Variants in HECTD4 observed in about 807,000 individuals in gnomAD.
The protein encoded by HECTD4 is probable E3 ubiquitin-protein ligase HECTD4.
A neutral mutation model predicts 471.5 loss-of-function variants in HECTD4; 114 were observed. The observed-to-expected ratio is 0.24, with a 90% CI of 0.21 to 0.28. The LOEUF (loss-of-function observed/expected upper bound fraction) is 0.28, where lower values mean the gene tolerates loss of function less well. Among genes scored for constraint, HECTD4 ranks in the 10% least tolerant of loss-of-function variants. HECTD4 has a pLI of 1.00. For missense variants in HECTD4, 3,866 were observed against 5,651.5 expected (o/e 0.68, Z 10.13); for synonymous variants, 2,012 against 2,256.0 (o/e 0.89, Z 3.07).
In HECTD4 at chr12:112,233,214, CTTTTTT is replaced by C. The variant is rs546999938; in HGVS notation, c.5916-135_5916-130del. 4.1e-3 allele frequency: 963 copies of C among 235,204 alleles called. 2 individuals carry two copies. The highest frequency in any genetic ancestry group is 4.9e-3 in the Non-Finnish European group (622 of 127,456). The allele number at this position is 235,204 out of a possible 1,614,324, so 14.6% of individuals were successfully genotyped here. A position where few individuals can be genotyped will look rare whatever the true frequency, so the allele number is the denominator to read the frequency against. On this transcript the variant is annotated intron_variant, in intron 37 of 75. Transcript: ENST00000682272. ...TAACATTAGCTTACACTAACATTAG[CTTTTTT>C]TTTTTTTTTTTTTTTTTTTGAGACA...
At position 112,179,468 on chromosome 12, in the gene HECTD4, G is replaced by A. The variant is rs951656498; in HGVS notation, c.10988-71C>T. On this transcript the variant is annotated intron_variant, in intron 62 of 75. Transcript: ENST00000682272. The surrounding 1 kb of genome is among the most constrained non-coding windows in gnomAD (Gnocchi z 4.3). Reference sequence around the variant, plus strand: ...TCGGGACAAGCCCTGCGAGCATTCTGTTTCCAAACACTGTTTGAAAGGGGC... The same window carrying A: ...TCGGGACAAGCCCTGCGAGCATTCTATTTCCAAACACTGTTTGAAAGGGGC... The A allele has an allele frequency of 3.7e-6, 5 of 1,337,090 alleles. No homozygotes were observed. The East Asian group carries it at 9.9e-5, about 26-fold the overall frequency. The allele number at this position is 1,337,090 out of a possible 1,614,324, so 82.8% of individuals were successfully genotyped here. A position where few individuals can be genotyped will look rare whatever the true frequency, so the allele number is the denominator to read the frequency against.
intron 52 of HECTD4, among the ~76,000 whole-genome samples, chr12:112,206,662 G>A (rs536262853): frequency 1.2e-4 from 18 of 150,744 alleles, no homozygotes; most frequent in South Asian, 6.3e-4. Context: ...TCAGCCTTCC[G>A]AGTAACTGGG....
intron 72 of HECTD4, 133 bp downstream of exon 72, chr12:112,167,184 C>T: frequency 1.4e-6 from 1 of 713,356 alleles, no homozygotes; most frequent in South Asian, 2.0e-5. Context: ...TGGCACATGG[C>T]TCACACCCCT....
intron 9 of HECTD4, among the ~76,000 whole-genome samples, chr12:112,276,148 T>C (rs1404309256): frequency 3.3e-5 from 5 of 152,206 alleles, no homozygotes; most frequent in African/African-American, 9.6e-5. Flanking sequence ...TCTTCCACTT[T>C]CTGAGCAGCC....
chr12:112,315,634 A>C (rs570821898), intron 2 of HECTD4, among the ~76,000 whole-genome samples: 1 of 152,294 alleles, frequency 6.6e-6, no homozygotes, highest in African/African-American at 2.4e-5. Context: ...AGTGAGGTTT[A>C]AAATAAAGAA....
chr12:112,313,268 A>G, intron 3 of HECTD4, 121 bp from the exon 4 acceptor site: 1 of 567,534 alleles, frequency 1.8e-6, no homozygotes, highest in East Asian at 3.3e-5. Context: ...AATATTTTAT[A>G]CAAATATTAT....
At chr12:112,276,701 T>C (rs2034534628) in intron 9 of HECTD4, among the ~76,000 whole-genome samples, 1 of 152,102 alleles carries the variant, frequency 6.6e-6, no homozygotes, top group Admixed American at 6.5e-5. Flanking sequence ...CGCCACAGCC[T>C]CCCAAGTGCT....
At chr12:112,346,837 G>A (rs1029797335) in intron 1 of HECTD4, among the ~76,000 whole-genome samples, 5 of 152,112 alleles carry the variant, frequency 3.3e-5, no homozygotes, top group African/African-American at 1.2e-4. Flanking sequence ...AAAGGAGACA[G>A]AATTTCACAT....
intron 15 of HECTD4, 71 bp downstream of exon 15, chr12:112,265,807 C>G (rs1165646816): frequency 5.1e-6 from 6 of 1,175,994 alleles, no homozygotes; most frequent in Non-Finnish European, 7.6e-6. Context: ...TAAAGTTGAT[C>G]AAACACATTT....
intron 71 of HECTD4, 137 bp from the exon 72 acceptor site, chr12:112,167,675 G>A (rs1318840477): frequency 2.0e-6 from 2 of 1,023,220 alleles, no homozygotes; most frequent in Non-Finnish European, 2.9e-6. Context: ...CCCATCCAGT[G>A]AGGCAAGGAC....
intron 7 of HECTD4, among the ~76,000 whole-genome samples, chr12:112,283,984 T>C (rs1440791230): frequency 6.6e-6 from 1 of 150,832 alleles, no homozygotes; most frequent in African/African-American, 2.4e-5. Context: ...TTTTTCCACC[T>C]GGCTTTCTGT....
In HECTD4 at chr12:112,188,218, G is replaced by A. The variant is rs1057260595; in HGVS notation, c.9472+2568C>T. ...GCAGGAGAATCACTTGAACCCAGGA[G>A]GTGGAAGTTGCAGTGAGCTGAGATC... On this transcript the variant is annotated intron_variant, in intron 60 of 75. Transcript: ENST00000682272. This position sits in a 1 kb window ranked among gnomAD's most constrained non-coding sequence, Gnocchi z 4.2. Among the ~76,000 whole-genome samples the A allele has an allele frequency of 1.3e-5, 2 of 152,186 alleles. No homozygotes were observed. Among genetic ancestry groups the A allele is most frequent in the Non-Finnish European group, 2.9e-5 (2 of 68,026 alleles).
intron 41 of HECTD4, 103 bp downstream of exon 41, chr12:112,229,595 G>T: frequency 1.7e-6 from 2 of 1,199,720 alleles, no homozygotes; most frequent in Middle Eastern, 2.1e-4. Flanking sequence ...AGGTTTTTTT[G>T]TACAGCTGGT....
chr12:112,246,074 G>A (rs1020846033), intron 29 of HECTD4, among the ~76,000 whole-genome samples: 116 of 152,080 alleles, frequency 7.6e-4, no homozygotes, highest in Non-Finnish European at 1.1e-3. Context: ...AGAGACTGCA[G>A]TGAGCAGAGA....
chr12:112,350,395 A>C (rs745347627), intron 1 of HECTD4, among the ~76,000 whole-genome samples: 2 of 152,212 alleles, frequency 1.3e-5, no homozygotes, highest in African/African-American at 2.4e-5. Context: ...TATTTTGTAT[A>C]ACTTCTCTTG....
intron 22 of HECTD4, among the ~76,000 whole-genome samples, chr12:112,253,786 C>G (rs2033948655): frequency 6.6e-6 from 1 of 152,120 alleles, no homozygotes; most frequent in East Asian, 1.9e-4. Context: ...TTTTAATCAA[C>G]AAGGAAGAAA....
Position 112,228,835 on chromosome 12 carries a change from C to G in HECTD4, c.6520-24G>C. 1 of 1,609,894 alleles carries G rather than the reference C, an allele frequency of 6.2e-7. No individual in the cohort carries two copies. Among genetic ancestry groups the G allele is most frequent in the Non-Finnish European group, 8.5e-7 (1 of 1,178,448 alleles). Reference sequence around the variant, plus strand: ...ACCTGGAGACAGACATAGATTAGCACTACCAACCAGCTCTGACGTGTGGGC... The same window carrying G: ...ACCTGGAGACAGACATAGATTAGCAGTACCAACCAGCTCTGACGTGTGGGC... On this transcript the variant is annotated intron_variant, in intron 41 of 75. Transcript: ENST00000682272. The surrounding 1 kb of genome is among the most constrained non-coding windows in gnomAD (Gnocchi z 4.9).
chr12:112,353,178 G>A (rs984624675), intron 1 of HECTD4, among the ~76,000 whole-genome samples: 5 of 152,156 alleles, frequency 3.3e-5, no homozygotes, highest in South Asian at 2.1e-4. Context: ...ACCATTACCA[G>A]GTTAAAACTA....
chr12:112,271,063 T>C (rs944118907), intron 11 of HECTD4, among the ~76,000 whole-genome samples: 1 of 152,210 alleles, frequency 6.6e-6, no homozygotes, highest in Non-Finnish European at 1.5e-5. Context: ...CTTTCTTTTC[T>C]ACTTTTTGCT....
Sources: gnomAD v4.1 joint callset for allele counts (sites outside exome capture counted in the v4.1 genomes callset) on GRCh38, gnomAD v4.1.1 for gene constraint, Gnocchi (gnomAD v3.1) non-coding constraint, MANE v1.5 for transcripts, NCBI Gene and HGNC (gene_info 2026-07-23, HGNC 2026-07-21) for gene names.